The following TMEM217 variants were observed in gnomAD, a reference collection of about 807,000 sequenced individuals.
The protein encoded by TMEM217 is transmembrane protein 217.
For missense variants in TMEM217, 204 were observed against 248.8 expected (o/e 0.82, Z 1.21); for synonymous variants, 76 against 88.3 (o/e 0.86, Z 0.78).
intron 1 of TMEM217, among the ~76,000 whole-genome samples, chr6:37,220,273 T>C (rs949727517): frequency 1.3e-5 from 2 of 152,236 alleles, no homozygotes; most frequent in Non-Finnish European, 2.9e-5. Flanking sequence ...AATTTTGCTC[T>C]GAAGTTATTT....
intron 1 of TMEM217, among the ~76,000 whole-genome samples, chr6:37,252,631 A>AT (rs1285210773): frequency 4.3e-4 from 33 of 77,320 alleles, no homozygotes; most frequent in African/African-American, 1.8e-3. Context: ...ATATATATAT[A>AT]TATATATTTT....
intron 1 of TMEM217, among the ~76,000 whole-genome samples, chr6:37,238,856 C>A (rs1052615360): frequency 2.6e-5 from 4 of 152,230 alleles, no homozygotes; most frequent in Admixed American, 1.3e-4. Flanking sequence ...CTAGGCTGGG[C>A]ATGGTGGCTC....
chr6:37,218,049 G>T (rs961911181), exon 2 of TMEM217: 7 of 1,001,628 alleles, frequency 7.0e-6, no homozygotes, highest in South Asian at 4.4e-5. Context: ...TTGCAGAACT[G>T]CTAAGCAAAA....
At chr6:37,253,529 A>G (rs1215854333) in intron 1 of TMEM217, among the ~76,000 whole-genome samples, 1 of 152,024 alleles carries the variant, frequency 6.6e-6, no homozygotes, top group Non-Finnish European at 1.5e-5. Flanking sequence ...TGGCTCTAAC[A>G]GTGGTTGTTT....
exon 2 of TMEM217, chr6:37,218,993 A>T: frequency 6.2e-7 from 1 of 1,614,176 alleles, no homozygotes; most frequent in African/African-American, 1.3e-5. Flanking sequence ...CACGGTGCCC[A>T]TTTTGGCAGT....
rs942718451 is a variant in TMEM217, at chr6:37,235,511, A to G, written c.-11-16470T>C. ...CTCCTGAGTAGCTGGGACTACAGGC[A>G]CCCGCCACCACGCCTGGCTAATTTT... is the stretch of plus-strand genomic sequence containing the variant. On this transcript the variant is annotated intron_variant, in intron 1 of 1. Transcript: ENST00000357219. Among the ~76,000 whole-genome samples, 11 of 152,062 alleles carry G rather than the reference A, an allele frequency of 7.2e-5. No individual in the cohort carries two copies. The South Asian group carries it at 1.7e-3, about 23-fold the overall frequency.
chr6:37,231,400 C>T (rs1383258265), intron 1 of TMEM217, among the ~76,000 whole-genome samples: 1 of 150,224 alleles, frequency 6.7e-6, no homozygotes, highest in Non-Finnish European at 1.5e-5. Flanking sequence ...TCAGGCTGGG[C>T]GCGGTGGCTC....
chr6:37,257,647 T>C, exon 1 of TMEM217: 1 of 475,578 alleles, frequency 2.1e-6, no homozygotes, highest in Non-Finnish European at 3.8e-6. Context: ...CGTCCACCTG[T>C]GTGCCCAGCC....
intron 1 of TMEM217, among the ~76,000 whole-genome samples, chr6:37,219,364 G>C (rs1763394269): frequency 6.6e-6 from 1 of 152,178 alleles, no homozygotes; most frequent in Non-Finnish European, 1.5e-5. Flanking sequence ...TTGGGATCCA[G>C]GCACCAGTAA....
At chr6:37,228,212 A>G (rs1309518650) in intron 1 of TMEM217, among the ~76,000 whole-genome samples, 7 of 152,214 alleles carry the variant, frequency 4.6e-5, no homozygotes, top group Non-Finnish European at 2.9e-5. Flanking sequence ...CCTGGGCAAC[A>G]TAGCAAGACT....
At position 37,238,943 on chromosome 6, in the gene TMEM217, A is replaced by G. The variant is rs1378473828; in HGVS notation, c.-12+18625T>C. Among the ~76,000 whole-genome samples, 3 of 152,124 alleles carry G rather than the reference A, an allele frequency of 2.0e-5. No homozygotes were observed. The East Asian group carries it at 5.8e-4, about 30-fold the overall frequency. ...GTCAGGAGTTCAAGACCAGCCAGCC[A>G]ACAGGGTGAAACCCTGTCTCTACTA... On this transcript the variant is annotated intron_variant, in intron 1 of 1. Coordinates refer to ENST00000357219, the Ensembl canonical transcript of TMEM217.
intron 1 of TMEM217, among the ~76,000 whole-genome samples, chr6:37,248,145 G>T (rs1467831345): frequency 6.6e-6 from 1 of 152,060 alleles, no homozygotes; most frequent in Non-Finnish European, 1.5e-5. Flanking sequence ...GCTCCACTCT[G>T]TGTCTTCTTA....
chr6:37,241,609 G>T (rs964839664), intron 1 of TMEM217, among the ~76,000 whole-genome samples: 7 of 152,150 alleles, frequency 4.6e-5, no homozygotes, highest in African/African-American at 1.7e-4. Context: ...TCTGTTCCAG[G>T]TTCTACATCT....
At chr6:37,212,846 C>T (rs566680029), downstream of TMEM217, 17 of 1,230,570 alleles carry the variant, frequency 1.4e-5, no homozygotes, top group African/African-American at 9.0e-5. Context: ...TTTGAGTCCA[C>T]GTAGATGCTG....
At chr6:37,217,050 T>C (rs1763241188), downstream of TMEM217, among the ~76,000 whole-genome samples, 2 of 152,200 alleles carry the variant, frequency 1.3e-5, no homozygotes, top group Non-Finnish European at 2.9e-5. Flanking sequence ...TCCCAGCACT[T>C]TGGGAGGCTG....
At chr6:37,242,010 T>A (rs1470230261) in intron 1 of TMEM217, among the ~76,000 whole-genome samples, 1 of 128,026 alleles carries the variant, frequency 7.8e-6, no homozygotes, top group Non-Finnish European at 1.5e-5. Flanking sequence ...CGATCTCAAT[T>A]TTTTTTTTTT....
At chr6:37,215,570 C>CAAAAAAAAAAAAAAAA (rs34808595), downstream of TMEM217, among the ~76,000 whole-genome samples, 34 of 72,376 alleles carry the variant, frequency 4.7e-4, no homozygotes, top group South Asian at 1.1e-3. Context: ...GACTCTGTCT[C>CAAAAAAAAAAAAAAAA]AAAAAAAAAA....
At chr6:37,240,731 ATTAAT>A (rs1199878172) in intron 1 of TMEM217, among the ~76,000 whole-genome samples, 4 of 152,140 alleles carry the variant, frequency 2.6e-5, no homozygotes, top group Non-Finnish European at 5.9e-5. Flanking sequence ...GAGAAACATG[ATTAAT>A]TTAAAACAGA....
chr6:37,250,818 T>C (rs1215446071), intron 1 of TMEM217, among the ~76,000 whole-genome samples: 5 of 152,274 alleles, frequency 3.3e-5, no homozygotes, highest in Admixed American at 3.3e-4. Flanking sequence ...GTCTATTCTA[T>C]TTCATTAAAG....
Sources: gnomAD v4.1 joint callset for allele counts (sites outside exome capture counted in the v4.1 genomes callset) on GRCh38, gnomAD v4.1.1 for gene constraint, MANE v1.5 for transcripts, NCBI Gene and HGNC (gene_info 2026-07-23, HGNC 2026-07-21) for gene names.